Variants in CNIH3 observed in about 807,000 individuals in gnomAD.
CNIH3 encodes the protein cornichon family AMPA receptor auxiliary protein 3, also known as protein cornichon homolog 3.
Under a neutral mutation model 24.1 loss-of-function variants are expected in CNIH3, and 14 were observed. The observed-to-expected ratio is 0.58, with a 90% CI of 0.38 to 0.91. The LOEUF (loss-of-function observed/expected upper bound fraction) is 0.91, where lower values mean the gene tolerates loss of function less well. CNIH3 is among the 40% of genes least tolerant of loss of function. The pLI, the probability that CNIH3 is intolerant of heterozygous loss-of-function variation, is 0.00. For missense variants in CNIH3, 178 were observed against 196.8 expected (o/e 0.90, Z 0.57); for synonymous variants, 68 against 73.8 (o/e 0.92, Z 0.40).
chr1:224,451,241 C>T (rs919183684), intron 1 of CNIH3, among the ~76,000 whole-genome samples: 2 of 152,190 alleles, frequency 1.3e-5, no homozygotes, highest in Non-Finnish European at 2.9e-5. Context: ...AAGCAAGAGC[C>T]GTGGCTCGGG....
intron 2 of CNIH3, among the ~76,000 whole-genome samples, chr1:224,524,580 G>A (rs754072301): frequency 1.1e-4 from 17 of 152,188 alleles, no homozygotes; most frequent in Non-Finnish European, 2.2e-4. Flanking sequence ...GTCTATGACT[G>A]TAGAGGGAAT....
chr1:224,727,051 A>G (rs1308045748), intron 3 of CNIH3, among the ~76,000 whole-genome samples: 4 of 152,202 alleles, frequency 2.6e-5, no homozygotes, highest in South Asian at 2.1e-4. Flanking sequence ...CTGCCCACAC[A>G]AATGAATGAG....
At chr1:224,598,410 C>G (rs767422056) in intron 3 of CNIH3, among the ~76,000 whole-genome samples, 2 of 152,092 alleles carry the variant, frequency 1.3e-5, no homozygotes, top group Non-Finnish European at 2.9e-5. Flanking sequence ...CTATGAATAT[C>G]GTTGAACTGA....
rs186244415 is a variant in CNIH3 at position 224,484,226 on chromosome 1, C to G, written n.204-31515C>G. On this transcript the variant is annotated intron_variant and non_coding_transcript_variant, in intron 1 of 5. Coordinates refer to the CNIH3 transcript ENST00000471578. ...CGGGCAGATCACGAGGTCAGGAGATCGAAACCATCCTGGCTAACACGGTGA... is the reference window on the plus strand; with the variant it reads ...CGGGCAGATCACGAGGTCAGGAGATGGAAACCATCCTGGCTAACACGGTGA... Among the ~76,000 whole-genome samples the G allele has an allele frequency of 1.1e-4, 16 of 149,044 alleles. No homozygotes were observed. The East Asian group carries it at 3.2e-3, about 30-fold the overall frequency.
chr1:224,700,945 T>C (rs891432279), intron 3 of CNIH3, among the ~76,000 whole-genome samples: 2 of 152,190 alleles, frequency 1.3e-5, no homozygotes, highest in Non-Finnish European at 2.9e-5. Context: ...GCCAAAGTCA[T>C]GTAATTATTG....
chr1:224,514,079 C>G (rs1678282454), upstream of CNIH3: 1 of 152,218 alleles, frequency 6.6e-6, no homozygotes, highest in South Asian at 2.1e-4. Flanking sequence ...AACAAACACC[C>G]TTCTCCTTCA....
intron 3 of CNIH3, among the ~76,000 whole-genome samples, chr1:224,687,685 G>C (rs1304368882): frequency 6.6e-6 from 1 of 152,176 alleles, no homozygotes; most frequent in Non-Finnish European, 1.5e-5. Context: ...AGGACCACCA[G>C]CTTCGTACCA....
chr1:224,734,736 A>C (rs758212103), intron 5 of CNIH3, 30 bp downstream of exon 5: 11 of 1,609,386 alleles, frequency 6.8e-6, no homozygotes, highest in Non-Finnish European at 9.4e-6. Context: ...GGTGGTTTTG[A>C]CTCCTGCAGC....
chr1:224,543,236 A>G (rs1015940032), intron 2 of CNIH3, among the ~76,000 whole-genome samples: 3 of 152,164 alleles, frequency 2.0e-5, no homozygotes, highest in Admixed American at 6.5e-5. Flanking sequence ...TGGGAGGGTG[A>G]CACGTCCTGA....
intron 1 of CNIH3, among the ~76,000 whole-genome samples, chr1:224,623,376 A>G (rs1488863279): frequency 6.6e-6 from 1 of 152,036 alleles, no homozygotes; most frequent in African/African-American, 2.4e-5. Flanking sequence ...TCAGTCTCCC[A>G]GGAGTCTACT....
chr1:224,608,239 A>G (rs1194296139), intron 3 of CNIH3, among the ~76,000 whole-genome samples: 2 of 152,208 alleles, frequency 1.3e-5, no homozygotes, highest in Non-Finnish European at 2.9e-5. Context: ...TTGACCTTTG[A>G]CTTGGGATTT....
chr1:224,507,276 G>A lies in CNIH3; in HGVS notation n.204-8465G>A, dbSNP rs532802446. On this transcript the variant is annotated intron_variant and non_coding_transcript_variant, in intron 1 of 5. Coordinates refer to the CNIH3 transcript ENST00000471578. ...GGTGCACGAGGCCAGGTGTTGTTAA[G>A]ACACAGACTTGGAGCCAGACAGATC... 4.6e-5 allele frequency among the ~76,000 whole-genome samples: 7 copies of A among 152,308 alleles called. No homozygotes were observed. In the South Asian group the frequency reaches 1.4e-3, roughly 32 times the overall value.
rs578222789 is a variant in CNIH3 at position 224,518,944 on chromosome 1, T to G, written n.16-2056T>G. Among the ~76,000 whole-genome samples the G allele has an allele frequency of 2.8e-4, 43 of 152,356 alleles. No individual in the cohort carries two copies. The Middle Eastern group carries it at 0.02, about 72-fold the overall frequency. ...TTCAATCTCTTAGTGGTACCAATTATGAGCATGTGATCTTGGGAAATTACC... is the reference window on the plus strand; with the variant it reads ...TTCAATCTCTTAGTGGTACCAATTAGGAGCATGTGATCTTGGGAAATTACC... On this transcript the variant is annotated intron_variant and non_coding_transcript_variant, in intron 1 of 2. Transcript: ENST00000470602.
chr1:224,505,747 T>C (rs1348283092), intron 1 of CNIH3, among the ~76,000 whole-genome samples: 3 of 152,234 alleles, frequency 2.0e-5, no homozygotes, highest in Non-Finnish European at 4.4e-5. Flanking sequence ...AGTAACACTG[T>C]CTTTGTAGAG....
chr1:224,732,666 G>T (rs548162228), intron 4 of CNIH3, among the ~76,000 whole-genome samples: 1 of 152,244 alleles, frequency 6.6e-6, no homozygotes, highest in African/African-American at 2.4e-5. Context: ...AAAGGAGTTC[G>T]TCCCAAGGTC....
chr1:224,698,429 C>T (rs1227080722), intron 3 of CNIH3, among the ~76,000 whole-genome samples: 2 of 152,142 alleles, frequency 1.3e-5, no homozygotes, highest in South Asian at 2.1e-4. Context: ...TACCACTCAG[C>T]GCACCAGCAT....
At chr1:224,667,502 G>C (rs1685650970) in intron 1 of CNIH3, among the ~76,000 whole-genome samples, 1 of 152,330 alleles carries the variant, frequency 6.6e-6, no homozygotes, top group South Asian at 2.1e-4. Context: ...AAAATGGTCA[G>C]AGCATCTAAG....
At chr1:224,636,806 A>G (rs1684106243) in intron 1 of CNIH3, among the ~76,000 whole-genome samples, 1 of 152,244 alleles carries the variant, frequency 6.6e-6, no homozygotes, top group Admixed American at 6.5e-5. Flanking sequence ...ATATTCAGCC[A>G]ATCTCCATAT....
Position 224,616,825 on chromosome 1 carries a change from C to T in CNIH3, c.-350C>T. On this transcript the variant is annotated 5_prime_UTR_variant, in exon 1 of 6. Transcript: ENST00000272133. The stretch of plus-strand genomic sequence containing the variant: ...CTCCCTCGGTCCTCCGTGGAGTCGT[C>T]GCATCGCTTGTCGTGTTGGTCTCGA... The T allele has an allele frequency of 9.0e-7, 1 of 1,112,400 alleles. No individual in the cohort carries two copies. The allele number at this position is 1,112,400 out of a possible 1,614,324, so 68.9% of individuals were successfully genotyped here. A position where few individuals can be genotyped will look rare whatever the true frequency, so the allele number is the denominator to read the frequency against.
Sources: gnomAD v4.1 joint callset for allele counts (sites outside exome capture counted in the v4.1 genomes callset) on GRCh38, gnomAD v4.1.1 for gene constraint, MANE v1.5 for transcripts, NCBI Gene and HGNC (gene_info 2026-07-23, HGNC 2026-07-21) for gene names.